The following FAM133A variants were observed in gnomAD, a reference collection of about 807,000 sequenced individuals.
FAM133A encodes family with sequence similarity 133 member A, also known as protein FAM133A.
For missense variants in FAM133A, 159 were observed against 164.4 expected, an observed-to-expected ratio of 0.97 and a Z score of 0.18; for synonymous variants, 65 against 58.6, an observed-to-expected ratio of 1.11 and a Z score of -0.50.
Position 93,712,090 on chromosome X carries a change from C to A in FAM133A, c.*1924C>A, listed in dbSNP as rs1263443333. The A allele has an allele frequency of 8.1e-6, 1 of 122,792 alleles. No homozygotes were observed. The highest frequency in any genetic ancestry group is 3.3e-5 in the African/African-American group (1 of 30,639). 10.1% of individuals were successfully genotyped at this position (122,792 alleles called of 1,213,427 possible). A position where few individuals can be genotyped will look rare whatever the true frequency, so the allele number is the denominator to read the frequency against. On this transcript the variant is annotated 3_prime_UTR_variant, in exon 4 of 4. Coordinates refer to ENST00000683942, the MANE Select transcript of FAM133A (RefSeq NM_001171109.2). The stretch of plus-strand genomic sequence containing the variant: ...GGACTGTAAAAAGTTCTGCATGACC[C>A]TCCAGTTTTCTTTTGCCTGTCATGG...
intron 2 of FAM133A, among the ~76,000 whole-genome samples, chrX:93,677,387 A>G (rs1924789328): frequency 9.0e-6 from 1 of 111,588 alleles, no homozygotes; most frequent in South Asian, 3.7e-4. Context: ...AAAGCATTGC[A>G]AGTTCATTTA....
At chrX:93,696,082 A>G (rs1212276412) in intron 2 of FAM133A, among the ~76,000 whole-genome samples, 1 of 111,996 alleles carries the variant, frequency 8.9e-6, no homozygotes, top group South Asian at 3.7e-4. Context: ...GGTTTCTGTT[A>G]GGTTTCTGTT....
chrX:93,690,105 A>C (rs1361013133), intron 2 of FAM133A, among the ~76,000 whole-genome samples: 1 of 111,005 alleles, frequency 9.0e-6, no homozygotes, highest in Non-Finnish European at 1.9e-5. Flanking sequence ...GTGTTAGTAT[A>C]GAAGTAGAAA....
intron 2 of FAM133A, among the ~76,000 whole-genome samples, chrX:93,698,027 G>C (rs1017814367): frequency 2.8e-4 from 31 of 110,812 alleles, no homozygotes; most frequent in African/African-American, 9.8e-4. Flanking sequence ...TAAAGAAATT[G>C]GGTTTTAGAA....
chrX:93,675,145 G>T (rs979001835), intron 2 of FAM133A, among the ~76,000 whole-genome samples: 1 of 111,307 alleles, frequency 9.0e-6, no homozygotes, highest in African/African-American at 3.3e-5. Context: ...ATCTCTAATT[G>T]TCAAAGTCTG....
At chrX:93,688,058 T>C (rs1925651111) in intron 2 of FAM133A, among the ~76,000 whole-genome samples, 1 of 111,421 alleles carries the variant, frequency 9.0e-6, no homozygotes, top group African/African-American at 3.3e-5. Flanking sequence ...TTGATGGACA[T>C]TTAGGTTGAT....
chrX:93,681,307 A>G (rs1160386872), intron 2 of FAM133A, among the ~76,000 whole-genome samples: 1 of 110,486 alleles, frequency 9.1e-6, no homozygotes, highest in Non-Finnish European at 1.9e-5. Flanking sequence ...CTATCTATCT[A>G]TCTATCTTTG....
At chrX:93,691,023 G>C (rs1455784217) in intron 2 of FAM133A, among the ~76,000 whole-genome samples, 1 of 111,081 alleles carries the variant, frequency 9.0e-6, no homozygotes, top group African/African-American at 3.3e-5. Context: ...TTAATTTTTT[G>C]GTCTTAAAAA....
At chrX:93,698,905 GA>G (rs1346632160) in intron 3 of FAM133A, among the ~76,000 whole-genome samples, 1 of 111,181 alleles carries the variant, frequency 9.0e-6, no homozygotes, top group Non-Finnish European at 1.9e-5. Flanking sequence ...TCTAGTGGGG[GA>G]AAATGGTATT....
chrX:93,701,811 G>A (rs1239042447), intron 3 of FAM133A, among the ~76,000 whole-genome samples: 1 of 111,943 alleles, frequency 8.9e-6, no homozygotes, highest in African/African-American at 3.2e-5. Context: ...TTGTTATTTA[G>A]TTCATGGCTT....
At chrX:93,702,601 G>A (rs909183885) in intron 3 of FAM133A, among the ~76,000 whole-genome samples, 2 of 109,925 alleles carry the variant, frequency 1.8e-5, no homozygotes, top group Admixed American at 9.8e-5. Context: ...GTAACTTCCC[G>A]TTCTTTAAGT....
intron 3 of FAM133A, among the ~76,000 whole-genome samples, chrX:93,707,353 A>G (rs1927106371): frequency 9.0e-6 from 1 of 111,318 alleles, no homozygotes; most frequent in Non-Finnish European, 1.9e-5. Flanking sequence ...GAGTCACTGA[A>G]ATGTCTATAG....
At chrX:93,675,280 A>G (rs902082846) in intron 2 of FAM133A, among the ~76,000 whole-genome samples, 34 of 112,051 alleles carry the variant, frequency 3.0e-4, no homozygotes, top group African/African-American at 1.1e-3. Context: ...TTCCTTGTGC[A>G]TATACATACC....
intron 2 of FAM133A, among the ~76,000 whole-genome samples, chrX:93,681,454 G>T (rs1925152584): frequency 9.0e-6 from 1 of 111,455 alleles, no homozygotes; most frequent in Non-Finnish European, 1.9e-5. Flanking sequence ...CAGAAAAAAA[G>T]TAGTTGTTCT....
Position 93,698,400 on chromosome X carries a change from A to G in FAM133A, c.-189A>G, listed in dbSNP as rs1456981554. ...TCTCATTTATCTGTGGTAAAAGTGG[A>G]GAACCTGAAAAGGAACCTGGAAAGA... On this transcript the variant is annotated 5_prime_UTR_variant, in exon 3 of 4. Coordinates refer to ENST00000683942, the MANE Select transcript of FAM133A (RefSeq NM_001171109.2). 1 of 111,771 alleles carries G rather than the reference A, an allele frequency of 8.9e-6. No homozygotes were observed. Among genetic ancestry groups the G allele is most frequent in the Non-Finnish European group, 1.9e-5 (1 of 53,089 alleles). 9.2% of individuals were successfully genotyped at this position (111,771 alleles called of 1,213,427 possible). A position where few individuals can be genotyped will look rare whatever the true frequency, so the allele number is the denominator to read the frequency against.
At chrX:93,702,406 G>A (rs1926759822) in intron 3 of FAM133A, among the ~76,000 whole-genome samples, 1 of 111,486 alleles carries the variant, frequency 9.0e-6, no homozygotes, top group African/African-American at 3.3e-5. Context: ...AGTGGCCAAA[G>A]CTGGAATAGT....
chrX:93,689,190 T>G (rs11797390), intron 2 of FAM133A, among the ~76,000 whole-genome samples: 7,876 of 109,197 alleles, frequency 0.072, 283 homozygotes, highest in Middle Eastern at 0.12. Flanking sequence ...TACAGGCATC[T>G]GCCACCATGC....
intron 2 of FAM133A, among the ~76,000 whole-genome samples, chrX:93,698,171 A>G (rs1402515256): frequency 9.0e-6 from 1 of 111,581 alleles, no homozygotes; most frequent in Admixed American, 9.5e-5. Flanking sequence ...GTTGTTTACA[A>G]TTGAATAAAT....
chrX:93,696,912 T>C (rs780692562), intron 2 of FAM133A, among the ~76,000 whole-genome samples: 1 of 83,997 alleles, frequency 1.2e-5, no homozygotes, highest in Admixed American at 1.5e-4. Context: ...AGAGTGAGAC[T>C]CCGTCTCAAA....
Sources: gnomAD v4.1 joint callset for allele counts (sites outside exome capture counted in the v4.1 genomes callset) on GRCh38, gnomAD v4.1.1 for gene constraint, MANE v1.5 for transcripts, NCBI Gene and HGNC (gene_info 2026-07-23, HGNC 2026-07-21) for gene names.